Variants in TNS3 observed in about 807,000 individuals in gnomAD.
The protein encoded by TNS3 is tensin-3.
TNS3 carries 45 observed loss-of-function variants against 140.9 expected under a neutral mutation model. The ratio of observed to expected loss-of-function variants is 0.32; its 90% CI spans 0.25 to 0.41. The LOEUF (loss-of-function observed/expected upper bound fraction) is 0.41. Ranked by LOEUF, TNS3 falls within the 10% of genes least tolerant of loss-of-function variation. The pLI is 1.00. For missense variants in TNS3, 1,716 were observed against 1,906.7 expected, an observed-to-expected ratio of 0.90 and a Z score of 1.86; for synonymous variants, 815 against 788.4, an observed-to-expected ratio of 1.03 and a Z score of -0.56.
intron 3 of TNS3, among the ~76,000 whole-genome samples, chr7:47,488,728 A>G (rs1002111472): frequency 6.6e-5 from 10 of 152,252 alleles, no homozygotes; most frequent in Non-Finnish European, 8.8e-5. Context: ...AAGGTCTGAC[A>G]GGACGGGTGG....
At chr7:47,333,766 G>A (rs1013191409) in intron 20 of TNS3, among the ~76,000 whole-genome samples, 9 of 152,082 alleles carry the variant, frequency 5.9e-5, no homozygotes, top group Admixed American at 3.9e-4. Context: ...CTCTTCTCAC[G>A]CTGTGTCTCT....
intron 4 of TNS3, among the ~76,000 whole-genome samples, chr7:47,461,212 G>A (rs1796477629): frequency 6.6e-6 from 1 of 152,200 alleles, no homozygotes; most frequent in South Asian, 2.1e-4. Flanking sequence ...GCTGAACCAG[G>A]CTGAGCAAAG....
intron 20 of TNS3, among the ~76,000 whole-genome samples, chr7:47,331,698 C>T (rs1193380096): frequency 1.3e-5 from 2 of 152,232 alleles, no homozygotes; most frequent in Admixed American, 6.5e-5. Context: ...TCTTTCTCTA[C>T]ATGTGTGCAT....
At chr7:47,526,585 C>A (rs930441118) in intron 2 of TNS3, among the ~76,000 whole-genome samples, 4 of 152,234 alleles carry the variant, frequency 2.6e-5, no homozygotes, top group Non-Finnish European at 5.9e-5. Flanking sequence ...TCTGTCTGAC[C>A]TCCACCTTTG....
intron 2 of TNS3, among the ~76,000 whole-genome samples, chr7:47,524,316 A>G (rs951020364): frequency 3.9e-5 from 6 of 152,212 alleles, no homozygotes; most frequent in African/African-American, 1.4e-4. Flanking sequence ...CCTACTGTCC[A>G]AAACTGCCCA....
chr7:47,543,373 C>A (rs186689028), intron 1 of TNS3, among the ~76,000 whole-genome samples: 20 of 152,204 alleles, frequency 1.3e-4, no homozygotes, highest in South Asian at 2.1e-4. Context: ...ACTTTCGGTA[C>A]GTCAAGTCCC....
At chr7:47,361,206 C>CA (rs56823708) in intron 17 of TNS3, among the ~76,000 whole-genome samples, 622 of 47,100 alleles carry the variant, frequency 0.013, 21 homozygotes, top group East Asian at 0.025. Flanking sequence ...GTAACCATGC[C>CA]AAAAAAAAAA....
chr7:47,398,002 A>C (rs1445099820), intron 15 of TNS3, among the ~76,000 whole-genome samples: 1 of 152,220 alleles, frequency 6.6e-6, no homozygotes, highest in Non-Finnish European at 1.5e-5. Context: ...TACAACCAGC[A>C]CGAAAGATCA....
intron 2 of TNS3, among the ~76,000 whole-genome samples, chr7:47,521,659 G>A (rs914320551): frequency 5.3e-5 from 8 of 152,126 alleles, no homozygotes; most frequent in African/African-American, 1.9e-4. Flanking sequence ...TGCTTGAGCT[G>A]AAACCTAAAG....
At chr7:47,404,660 G>C (rs1171227331) in intron 13 of TNS3, among the ~76,000 whole-genome samples, 2 of 151,852 alleles carry the variant, frequency 1.3e-5, no homozygotes, top group Non-Finnish European at 2.9e-5. Flanking sequence ...GCCGAGGCAG[G>C]CGGATCACAA....
chr7:47,311,452 A>G (rs1366639632), intron 20 of TNS3, among the ~76,000 whole-genome samples: 1 of 152,018 alleles, frequency 6.6e-6, no homozygotes, highest in East Asian at 1.9e-4. Flanking sequence ...ACATATATAT[A>G]TAGAGAGAGA....
intron 2 of TNS3, among the ~76,000 whole-genome samples, chr7:47,518,108 A>G (rs1383374573): frequency 6.6e-6 from 1 of 152,148 alleles, no homozygotes; most frequent in Non-Finnish European, 1.5e-5. Flanking sequence ...CAGAGAGCCC[A>G]AGGCTCTTGG....
chr7:47,364,491 A>G lies in TNS3; in HGVS notation c.2281+3874T>C, dbSNP rs1790579455. ...GAGACAGGGTTTTGCCATGTTGGCC[A>G]GGCTGGTCTTGAACTCCTGACCTCA... On this transcript the variant is annotated intron_variant, in intron 17 of 30. Coordinates refer to ENST00000311160, the MANE Select transcript of TNS3 (RefSeq NM_022748.12). Among the ~76,000 whole-genome samples the G allele has an allele frequency of 1.3e-5, 2 of 152,138 alleles. 1 individual carries two copies. Among genetic ancestry groups the G allele is most frequent in the Non-Finnish European group, 2.9e-5 (2 of 68,016 alleles).
chr7:47,404,926 C>G (rs564164125), intron 13 of TNS3, among the ~76,000 whole-genome samples: 39 of 152,200 alleles, frequency 2.6e-4, no homozygotes, highest in Admixed American at 5.9e-4. Context: ...TGCCTGTGCC[C>G]TTGACTGGAC....
chr7:47,363,087 ATCACAG>A (rs2151107192), intron 17 of TNS3, among the ~76,000 whole-genome samples: 3 of 86 alleles, frequency 0.035, no homozygotes, highest in East Asian at 0.25. Flanking sequence ...CACCATCAAT[ATCACAG>A]TCATCACCAT....
At chr7:47,315,268 T>A (rs1411604559) in intron 20 of TNS3, among the ~76,000 whole-genome samples, 1 of 152,234 alleles carries the variant, frequency 6.6e-6, no homozygotes, top group Non-Finnish European at 1.5e-5. Context: ...ACAACACTCA[T>A]CTCACTTTCT....
At chr7:47,437,794 TATATA>T (rs573073132) in intron 6 of TNS3, among the ~76,000 whole-genome samples, 56 of 125,232 alleles carry the variant, frequency 4.5e-4, no homozygotes, top group African/African-American at 1.3e-3. Context: ...ACGTATAAAA[TATATA>T]ATATAAAATA....
At chr7:47,480,340 G>A (rs574364664) in intron 4 of TNS3, among the ~76,000 whole-genome samples, 1 of 152,314 alleles carries the variant, frequency 6.6e-6, no homozygotes, top group African/African-American at 2.4e-5. Context: ...GGGAGGCCCA[G>A]ACCTGCACAC....
intron 1 of TNS3, among the ~76,000 whole-genome samples, chr7:47,548,933 G>C (rs1799990961): frequency 6.6e-6 from 1 of 152,112 alleles, no homozygotes; most frequent in Non-Finnish European, 1.5e-5. Context: ...TCCCCACACA[G>C]TCAAGTCTCA....
Sources: allele counts gnomAD v4.1 joint callset (sites outside exome capture counted in the v4.1 genomes callset), GRCh38; gene constraint gnomAD v4.1.1; transcripts MANE v1.5; gene names NCBI Gene and HGNC (gene_info 2026-07-23, HGNC 2026-07-21).